EBF1: variants seen among roughly 807,000 people sequenced by gnomAD.
The protein encoded by EBF1 is transcription factor COE1.
In EBF1, 10 loss-of-function variants were observed where a neutral mutation model predicts 68.4. That is an observed-to-expected ratio of 0.15 (90% CI 0.09 to 0.25). The LOEUF is 0.25. Among genes scored for constraint, EBF1 ranks in the 10% least tolerant of loss-of-function variants. EBF1 has a pLI of 1.00. For missense variants in EBF1, 509 were observed against 794.4 expected, an observed-to-expected ratio of 0.64 and a Z score of 4.32; for synonymous variants, 298 against 299.8, an observed-to-expected ratio of 0.99 and a Z score of 0.06.
intron 10 of EBF1, among the ~76,000 whole-genome samples, chr5:158,744,880 G>A (rs932017784): frequency 6.6e-6 from 1 of 152,152 alleles, no homozygotes; most frequent in African/African-American, 2.4e-5. Flanking sequence ...CAGTGAAGAT[G>A]AGGGGATTTC....
At chr5:158,954,831 G>A (rs1277024838) in intron 6 of EBF1, among the ~76,000 whole-genome samples, 1 of 152,146 alleles carries the variant, frequency 6.6e-6, no homozygotes, top group Non-Finnish European at 1.5e-5. Context: ...AGAGACTAAG[G>A]CACTAATGCT....
chr5:158,706,445 A>T (rs1348249531), intron 15 of EBF1, among the ~76,000 whole-genome samples: 1 of 152,182 alleles, frequency 6.6e-6, no homozygotes, highest in African/African-American at 2.4e-5. Context: ...GACCTGGATC[A>T]AATTAAGCCT....
At chr5:158,981,355 C>T (rs1427968852) in intron 6 of EBF1, among the ~76,000 whole-genome samples, 1 of 152,092 alleles carries the variant, frequency 6.6e-6, no homozygotes, top group Non-Finnish European at 1.5e-5. Flanking sequence ...GTCAAATCAA[C>T]ATTTTAAGGT....
At chr5:158,796,617 C>A in intron 8 of EBF1, 142 bp from the exon 9 acceptor site, 1 of 1,033,238 alleles carries the variant, frequency 9.7e-7, no homozygotes, top group Non-Finnish European at 1.3e-6. Context: ...CATTTCCCAG[C>A]CACATTAGGA....
chr5:159,032,764 T>A (rs1584112472), intron 6 of EBF1, among the ~76,000 whole-genome samples: 2 of 152,366 alleles, frequency 1.3e-5, no homozygotes, highest in East Asian at 3.9e-4. Flanking sequence ...CATTCATGAT[T>A]AGCACTTGAA....
At chr5:158,953,985 C>T (rs1431735418) in intron 6 of EBF1, among the ~76,000 whole-genome samples, 1 of 152,222 alleles carries the variant, frequency 6.6e-6, no homozygotes, top group Non-Finnish European at 1.5e-5. Context: ...CTGCCTTTCA[C>T]ATTTATATGA....
intron 8 of EBF1, among the ~76,000 whole-genome samples, chr5:158,818,697 A>G (rs1233858794): frequency 2.0e-5 from 3 of 152,182 alleles, no homozygotes; most frequent in African/African-American, 7.2e-5. Context: ...TATAACTTTG[A>G]AGGGAAATTT....
At chr5:158,990,378 TC>T (rs1042305608) in intron 6 of EBF1, among the ~76,000 whole-genome samples, 1 of 152,164 alleles carries the variant, frequency 6.6e-6, no homozygotes, top group Admixed American at 6.5e-5. Context: ...TTTAAAGATC[TC>T]CCTAGCTGCA....
intron 6 of EBF1, among the ~76,000 whole-genome samples, chr5:158,903,927 T>C (rs531589615): frequency 1.3e-5 from 2 of 152,230 alleles, no homozygotes; most frequent in Non-Finnish European, 2.9e-5. Flanking sequence ...GTCCACTTGA[T>C]ACAAGGAGAA....
chr5:159,047,708 C>A (rs910155176), intron 6 of EBF1, among the ~76,000 whole-genome samples: 1 of 152,156 alleles, frequency 6.6e-6, no homozygotes, highest in East Asian at 1.9e-4. Flanking sequence ...CTTCTCATGC[C>A]CTTCAAGGTC....
chr5:159,035,315 A>T (rs6898769), intron 6 of EBF1, among the ~76,000 whole-genome samples: 53,651 of 151,948 alleles, frequency 0.35, 10,531 homozygotes, highest in Non-Finnish European at 0.44. Flanking sequence ...AAAAAATAAA[A>T]AATAAATAAT....
chr5:158,937,987 T>C (rs1240432073), intron 6 of EBF1, among the ~76,000 whole-genome samples: 3 of 152,180 alleles, frequency 2.0e-5, no homozygotes, highest in Non-Finnish European at 4.4e-5. Flanking sequence ...ATGAGAATAA[T>C]GTCTCGTCGT....
At chr5:158,733,910 A>G (rs1764637154) in intron 10 of EBF1, among the ~76,000 whole-genome samples, 1 of 152,176 alleles carries the variant, frequency 6.6e-6, no homozygotes, top group African/African-American at 2.4e-5. Flanking sequence ...CCAATTACTG[A>G]CTGTGGGGGA....
intron 6 of EBF1, among the ~76,000 whole-genome samples, chr5:158,963,423 C>T (rs1353302238): frequency 1.3e-5 from 2 of 152,156 alleles, no homozygotes; most frequent in South Asian, 2.1e-4. Flanking sequence ...CTGACCCCTA[C>T]GACATGCCAC....
At chr5:159,093,511 T>C (rs1318832834) in intron 4 of EBF1, among the ~76,000 whole-genome samples, 1 of 152,026 alleles carries the variant, frequency 6.6e-6, no homozygotes, top group Non-Finnish European at 1.5e-5. Context: ...CTCTCTCTCT[T>C]TCTCTCTCTC....
chr5:158,823,024 T>C (rs1785192291), intron 8 of EBF1, 152 bp downstream of exon 8: 1 of 962,850 alleles, frequency 1.0e-6, no homozygotes, highest in Non-Finnish European at 1.6e-6. Context: ...TGCCACCATA[T>C]GTTGAAGAGA....
At chr5:158,971,323 C>T (rs533212667) in intron 6 of EBF1, among the ~76,000 whole-genome samples, 22 of 152,250 alleles carry the variant, frequency 1.4e-4, no homozygotes, top group African/African-American at 3.4e-4. Flanking sequence ...CCATGAATTC[C>T]GGCACTGTGT....
chr5:158,980,428 G>A (rs529783752), intron 6 of EBF1, among the ~76,000 whole-genome samples: 37 of 152,252 alleles, frequency 2.4e-4, no homozygotes, highest in Non-Finnish European at 5.1e-4. Context: ...ATCGCAAGCC[G>A]TGCCCAGCTC....
At chr5:159,069,136 A>T (rs545084853) in intron 6 of EBF1, among the ~76,000 whole-genome samples, 7 of 152,172 alleles carry the variant, frequency 4.6e-5, no homozygotes, top group African/African-American at 1.7e-4. Context: ...TTATATCCTT[A>T]AAAAACTAGG....
Sources: allele counts gnomAD v4.1 joint callset (sites outside exome capture counted in the v4.1 genomes callset), GRCh38; gene constraint gnomAD v4.1.1; transcripts MANE v1.5; gene names NCBI Gene and HGNC (gene_info 2026-07-23, HGNC 2026-07-21).